The following HSPA4L variants were observed in gnomAD, a reference collection of about 807,000 sequenced individuals.
The protein encoded by HSPA4L is heat shock 70 kDa protein 4L.
Under a neutral mutation model 100.3 loss-of-function variants are expected in HSPA4L, and 48 were observed. That is an observed-to-expected ratio of 0.48 (90% CI 0.38 to 0.61). The LOEUF is 0.61. Ranked by LOEUF, HSPA4L falls within the 20% of genes least tolerant of loss-of-function variation. HSPA4L has a pLI of 0.00. For missense variants in HSPA4L, 886 were observed against 988.6 expected, an observed-to-expected ratio of 0.90 and a Z score of 1.39; for synonymous variants, 319 against 328.2, an observed-to-expected ratio of 0.97 and a Z score of 0.30.
At position 127,820,993 on chromosome 4, in the gene HSPA4L, T is replaced by C. The variant is rs148591080; in HGVS notation, c.1812+428T>C. On this transcript the variant is annotated intron_variant, in intron 14 of 18. Transcript: ENST00000296464. ...TTGTCATTCTTGACATTTTCTTACATGTTCTTTTCTATTTACATGTTTAAG... is the reference window on the plus strand; with the variant it reads ...TTGTCATTCTTGACATTTTCTTACACGTTCTTTTCTATTTACATGTTTAAG... Among the ~76,000 whole-genome samples the C allele has an allele frequency of 9.5e-4, 145 of 152,266 alleles. 1 individual carries two copies. Among genetic ancestry groups the C allele is most frequent in the Middle Eastern group, 6.8e-3 (2 of 294 alleles).
chr4:127,824,220 C>T (rs770674246), intron 16 of HSPA4L, among the ~76,000 whole-genome samples: 3 of 152,134 alleles, frequency 2.0e-5, no homozygotes, highest in Admixed American at 6.5e-5. Context: ...ATGCATACCA[C>T]GTTTTCTTTA....
intron 8 of HSPA4L, among the ~76,000 whole-genome samples, chr4:127,804,422 A>G (rs948793125): frequency 1.3e-5 from 2 of 152,134 alleles, no homozygotes; most frequent in East Asian, 3.9e-4. Context: ...CCTGGACAAC[A>G]TGGTGAAACC....
At chr4:127,808,555 T>C (rs1017764860) in intron 11 of HSPA4L, among the ~76,000 whole-genome samples, 1 of 152,142 alleles carries the variant, frequency 6.6e-6, no homozygotes, top group African/African-American at 2.4e-5. Flanking sequence ...ATGTCATTTT[T>C]TTTAATAAGG....
At chr4:127,814,696 A>C (rs569816976) in intron 12 of HSPA4L, among the ~76,000 whole-genome samples, 4 of 151,960 alleles carry the variant, frequency 2.6e-5, no homozygotes, top group Non-Finnish European at 5.9e-5. Context: ...GCCTTCTAGT[A>C]GCTGAGATTA....
chr4:127,805,828 C>G, intron 10 of HSPA4L, 35 bp downstream of exon 10: 1 of 1,401,690 alleles, frequency 7.1e-7, no homozygotes, highest in Non-Finnish European at 1.0e-6. Context: ...TAGAGCTTGT[C>G]ATAAATCTTT....
intron 13 of HSPA4L, among the ~76,000 whole-genome samples, chr4:127,818,836 T>C (rs1287809695): frequency 6.6e-6 from 1 of 151,102 alleles, no homozygotes; most frequent in African/African-American, 2.4e-5. Flanking sequence ...CCCTGTGACA[T>C]GAGTGTACCT....
At position 127,811,505 on chromosome 4, in the gene HSPA4L, C is replaced by T. The variant is rs141362649; in HGVS notation, c.1447C>T (p.Arg483Cys). ...GDSSKVKVKVRVNIHGIFSVA... is the reference protein window; with the variant it reads ...GDSSKVKVKVCVNIHGIFSVA... ...TAGTTCCAAAGTGAAGGTTAAAGTT[C>T]GTGTTAACATCCATGGAATCTTCAG... The change falls in exon 12 of 19, where the codon CGT (arginine) becomes TGT (cysteine). Residue 483 changes from arginine (R) to cysteine (C), a missense_variant. By Grantham distance (180) the Arg-to-Cys change is radical. Transcript: ENST00000296464. The T allele has an allele frequency of 9.9e-6, 16 of 1,613,638 alleles. No individual in the cohort carries two copies. In the African/African-American group the frequency reaches 1.5e-4, roughly 15 times the overall value.
intron 1 of HSPA4L, 76 bp downstream of exon 1, chr4:127,782,733 G>A: frequency 3.7e-6 from 4 of 1,076,464 alleles, no homozygotes; most frequent in African/African-American, 1.6e-5. Flanking sequence ...TGTCCTGTCT[G>A]CTCGCTTCCT....
Position 127,811,593 on chromosome 4 carries a change from T to A in HSPA4L, c.1535T>A (p.Met512Lys), listed in dbSNP as rs1316385964. The change falls in exon 12 of 19, where the codon ATG (methionine) becomes AAG (lysine). Residue 512 changes from methionine (M) to lysine (K), a missense_variant. Coordinates refer to ENST00000296464, the MANE Select transcript of HSPA4L (RefSeq NM_014278.4). ...NLEGDHSDAP[M>K]ETETSFKNEN... ...GAAGGCGATCACAGTGATGCTCCAA[T>A]GGAGACAGAAACTTCATTTAAAAAT... The A allele has an allele frequency of 1.2e-6, 2 of 1,613,928 alleles. No individual in the cohort carries two copies. Among genetic ancestry groups the A allele is most frequent in the South Asian group, 2.2e-5 (2 of 91,068 alleles).
rs779217447 is a variant in HSPA4L at position 127,805,811 on chromosome 4, C to A, written c.1244+18C>A. On this transcript the variant is annotated intron_variant, in intron 10 of 18. Coordinates refer to ENST00000296464, the MANE Select transcript of HSPA4L (RefSeq NM_014278.4). ...GGAAGTGGGTAAGTTATTTTTAAAA[C>A]CTTGATTAGAGCTTGTCATAAATCT... 3.4e-6 allele frequency: 5 copies of A among 1,486,726 alleles called. No homozygotes were observed. The Admixed American group carries it at 8.5e-5, about 25-fold the overall frequency. The allele number at this position is 1,486,726 out of a possible 1,614,324, so 92.1% of individuals were successfully genotyped here.
intron 18 of HSPA4L, among the ~76,000 whole-genome samples, chr4:127,832,046 G>A (rs984711977): frequency 2.0e-5 from 3 of 151,946 alleles, no homozygotes; most frequent in African/African-American, 4.8e-5. Flanking sequence ...CTATATTTCC[G>A]TGGCTACCCC....
At chr4:127,818,148 T>C (rs538446402) in intron 12 of HSPA4L, among the ~76,000 whole-genome samples, 177 bp from the exon 13 acceptor site, 5 of 152,336 alleles carry the variant, frequency 3.3e-5, no homozygotes, top group Admixed American at 1.3e-4. Flanking sequence ...ATCTTTTCAC[T>C]TTACTTCCCT....
intron 16 of HSPA4L, among the ~76,000 whole-genome samples, chr4:127,824,963 T>A (rs919820069): frequency 1.3e-5 from 2 of 151,958 alleles, no homozygotes; most frequent in East Asian, 3.9e-4. Flanking sequence ...GGTGAAACCC[T>A]GTCTCTACTA....
Position 127,808,071 on chromosome 4 carries a change from T to C in HSPA4L, c.1320T>C (p.Phe440=). The stretch of plus-strand genomic sequence containing the variant: ...TTACTTTCCACAAGAAGGAACCATT[T>C]GAACTAGAAGCATTTTATACTAATT... ...KVITFHKKEP[F]ELEAFYTNLH... Residue 440 remains phenylalanine, a synonymous_variant, in exon 11 of 19, where the codon TTT becomes TTC. Transcript: ENST00000296464. 6.2e-7 allele frequency: 1 copy of C among 1,612,920 alleles called. No individual in the cohort carries two copies. Among genetic ancestry groups the C allele is most frequent in the Non-Finnish European group, 8.5e-7 (1 of 1,179,228 alleles).
intron 1 of HSPA4L, among the ~76,000 whole-genome samples, chr4:127,789,417 C>T (rs1218388836): frequency 1.3e-5 from 2 of 152,084 alleles, no homozygotes; most frequent in African/African-American, 2.4e-5. Flanking sequence ...GAGGCTGAGG[C>T]GGGCAGATCA....
intron 8 of HSPA4L, among the ~76,000 whole-genome samples, 200 bp from the exon 9 acceptor site, chr4:127,804,873 G>T (rs1426164881): frequency 6.6e-6 from 1 of 151,948 alleles, no homozygotes. Flanking sequence ...TCCATCATCT[G>T]GACCAAGTTG....
At chr4:127,784,933 T>C (rs923643492) in intron 1 of HSPA4L, among the ~76,000 whole-genome samples, 2 of 152,276 alleles carry the variant, frequency 1.3e-5, no homozygotes, top group Non-Finnish European at 2.9e-5. Context: ...TGACATATTT[T>C]CTAAGATGTG....
At chr4:127,826,407 AAAAATGC>A (rs1303521804) in intron 16 of HSPA4L, among the ~76,000 whole-genome samples, 2 of 152,212 alleles carry the variant, frequency 1.3e-5, no homozygotes, top group African/African-American at 4.8e-5. Context: ...AATGGAAAAA[AAAAATGC>A]AGTACTTGCT....
At chr4:127,825,278 A>C (rs1205016599) in intron 16 of HSPA4L, among the ~76,000 whole-genome samples, 2 of 152,164 alleles carry the variant, frequency 1.3e-5, no homozygotes, top group Non-Finnish European at 2.9e-5. Context: ...GATTCAGTAG[A>C]TACAAGGTGG....
Sources: allele counts gnomAD v4.1 joint callset (sites outside exome capture counted in the v4.1 genomes callset), GRCh38; gene constraint gnomAD v4.1.1; transcripts MANE v1.5; gene names NCBI Gene and HGNC (gene_info 2026-07-23, HGNC 2026-07-21).